ANTXR2: variants seen among roughly 807,000 people sequenced by gnomAD.
ANTXR2 encodes anthrax toxin receptor 2.
A neutral mutation model predicts 73.7 loss-of-function variants in ANTXR2; 44 were observed. The observed-to-expected ratio is 0.60, with a 90% confidence interval of 0.47 to 0.77. ANTXR2 has a LOEUF of 0.77. ANTXR2 is among the 30% of genes least tolerant of loss of function. The pLI is 0.00. For missense variants in ANTXR2, 604 were observed against 592.5 expected, an observed-to-expected ratio of 1.02 and a Z score of -0.20; for synonymous variants, 217 against 205.9, an observed-to-expected ratio of 1.05 and a Z score of -0.46.
intron 16 of ANTXR2, among the ~76,000 whole-genome samples, chr4:79,951,671 A>C (rs1353720478): frequency 6.6e-6 from 1 of 152,144 alleles, no homozygotes; most frequent in Non-Finnish European, 1.5e-5. Context: ...ATAGCTCAAA[A>C]GTTGCTAAAG....
intron 12 of ANTXR2, among the ~76,000 whole-genome samples, chr4:80,003,077 C>CCCAGTA (rs1731129121): frequency 6.6e-6 from 1 of 151,572 alleles, no homozygotes; most frequent in African/African-American, 2.4e-5. Context: ...ACCCAAAGGA[C>CCCAGTA]TATAAATCAG....
At chr4:80,059,812 T>C (rs1455649815) in intron 3 of ANTXR2, among the ~76,000 whole-genome samples, 1 of 152,072 alleles carries the variant, frequency 6.6e-6, no homozygotes, top group Non-Finnish European at 1.5e-5. Flanking sequence ...TGCCATGCAC[T>C]GTGCCATATC....
At chr4:79,952,466 T>C (rs1728743162) in intron 16 of ANTXR2, among the ~76,000 whole-genome samples, 1 of 151,832 alleles carries the variant, frequency 6.6e-6, no homozygotes, top group South Asian at 2.1e-4. Flanking sequence ...CATTTTCCTT[T>C]GTCTAATCTT....
At chr4:80,005,530 A>T (rs972726540) in intron 12 of ANTXR2, among the ~76,000 whole-genome samples, 1 of 152,070 alleles carries the variant, frequency 6.6e-6, no homozygotes, top group Non-Finnish European at 1.5e-5. Context: ...AATAAGATAA[A>T]CACCCTGCGA....
At position 80,018,927 on chromosome 4, in the gene ANTXR2, C is replaced by G. The variant is rs202143525; in HGVS notation, c.916G>C (p.Gly306Arg). 2.7e-4 allele frequency: 413 copies of G among 1,518,908 alleles called. No individual in the cohort carries two copies. In the African/African-American group the frequency reaches 5.1e-3, roughly 19 times the overall value. 94.1% of individuals were successfully genotyped at this position (1,518,908 alleles called of 1,614,324 possible). ...SFNGGKSVISGSLIVTATECS... is the reference protein window; with the variant it reads ...SFNGGKSVISRSLIVTATECS... ...TCTGTGGCTGTGACAATTAATGATC[C>G]TGAAATGACAGATTTTCCTCCATTA... Residue 306 changes from glycine to arginine, a missense_variant, in exon 11 of 17, where the codon GGA (glycine) becomes CGA (arginine). Transcript: ENST00000403729.
At chr4:80,065,392 C>T (rs1734449623) in intron 3 of ANTXR2, among the ~76,000 whole-genome samples, 1 of 152,096 alleles carries the variant, frequency 6.6e-6, no homozygotes, top group Admixed American at 6.5e-5. Context: ...TACTCACACA[C>T]ACACTAGATT....
At chr4:79,919,914 TATATATAA>T (rs1233068504) in intron 16 of ANTXR2, among the ~76,000 whole-genome samples, 429 of 17,182 alleles carry the variant, frequency 0.025, 9 homozygotes, top group Admixed American at 0.041. Context: ...TATATATATA[TATATATAA>T]AAAATGATAG....
chr4:79,983,072 A>G (rs1729958865), intron 14 of ANTXR2, among the ~76,000 whole-genome samples: 1 of 152,148 alleles, frequency 6.6e-6, no homozygotes, highest in South Asian at 2.1e-4. Flanking sequence ...CAATGGTAAA[A>G]TGCATAAAAC....
chr4:79,909,672 A>G (rs1020974242), intron 16 of ANTXR2, among the ~76,000 whole-genome samples: 1 of 151,956 alleles, frequency 6.6e-6, no homozygotes, highest in African/African-American at 2.4e-5. Flanking sequence ...AGAAAAACCT[A>G]TTAAATGCAA....
intron 7 of ANTXR2, among the ~76,000 whole-genome samples, chr4:80,041,930 C>T (rs555936975): frequency 5.0e-4 from 76 of 151,948 alleles, no homozygotes; most frequent in African/African-American, 1.6e-3. Flanking sequence ...AATAAACATA[C>T]GCATGCATGT....
intron 3 of ANTXR2, among the ~76,000 whole-genome samples, chr4:80,058,679 T>TAA (rs11375681): frequency 4.6e-4 from 69 of 148,588 alleles, no homozygotes; most frequent in Middle Eastern, 3.4e-3. Context: ...ACTGTAATGT[T>TAA]AAAAAAAAAA....
intron 7 of ANTXR2, among the ~76,000 whole-genome samples, chr4:80,046,659 G>T (rs983617442): frequency 6.6e-6 from 1 of 151,562 alleles, no homozygotes; most frequent in Non-Finnish European, 1.5e-5. Context: ...CAGAAATCCA[G>T]GATGGCAAAT....
chr4:79,962,231 A>G (rs550201250), intron 16 of ANTXR2, among the ~76,000 whole-genome samples: 6 of 152,308 alleles, frequency 3.9e-5, no homozygotes, highest in Admixed American at 1.3e-4. Flanking sequence ...AATATGTCCT[A>G]TAAGAATATA....
At position 80,008,592 on chromosome 4, in the gene ANTXR2, C is replaced by A; in HGVS notation, c.970G>T (p.Val324Phe). 1 of 1,604,658 alleles carries A rather than the reference C, an allele frequency of 6.2e-7. No individual in the cohort carries two copies. Among genetic ancestry groups the A allele is most frequent in the Non-Finnish European group, 8.5e-7 (1 of 1,176,582 alleles). The change falls in exon 12 of 17, where the codon GTT becomes TTT. Residue 324 changes from valine to phenylalanine, a missense_variant. Val to Phe is a conservative substitution (Grantham distance 50, BLOSUM62 -1). Coordinates refer to ENST00000403729, the MANE Select transcript of ANTXR2 (RefSeq NM_058172.6). ...AGGAGTAGCAGTAACACCAAAATAACAATGATGGCTGCGATCCCGTTAGAC... is the reference window on the plus strand; with the variant it reads ...AGGAGTAGCAGTAACACCAAAATAAAAATGATGGCTGCGATCCCGTTAGAC... Reference protein sequence around the residue: ...ECSNGIAAIIVILVLLLLLGI... With the variant: ...ECSNGIAAIIFILVLLLLLGI...
At chr4:80,057,607 T>G (rs1198552169) in intron 3 of ANTXR2, among the ~76,000 whole-genome samples, 5 of 151,962 alleles carry the variant, frequency 3.3e-5, no homozygotes. Flanking sequence ...TGGTTTAAAG[T>G]CTACCTATTC....
At chr4:80,025,260 T>C (rs1185342300) in intron 10 of ANTXR2, among the ~76,000 whole-genome samples, 1 of 152,196 alleles carries the variant, frequency 6.6e-6, no homozygotes, top group Non-Finnish European at 1.5e-5. Flanking sequence ...CATACTTCTA[T>C]TTAATGTCTA....
chr4:80,067,765 A>G (rs1326146997), intron 3 of ANTXR2, among the ~76,000 whole-genome samples: 1 of 152,130 alleles, frequency 6.6e-6, no homozygotes, highest in African/African-American at 2.4e-5. Context: ...AAAACCCAAC[A>G]CTGCATGTTC....
intron 16 of ANTXR2, among the ~76,000 whole-genome samples, chr4:79,912,687 T>C (rs952047189): frequency 6.6e-6 from 1 of 152,132 alleles, no homozygotes; most frequent in Admixed American, 6.6e-5. Context: ...TCTAACCTAA[T>C]AAAATAGCTA....
intron 12 of ANTXR2, among the ~76,000 whole-genome samples, chr4:80,004,211 A>C (rs1355479611): frequency 6.6e-6 from 1 of 151,940 alleles, no homozygotes; most frequent in Non-Finnish European, 1.5e-5. Flanking sequence ...AAATAAAAAA[A>C]TTATGAAAAA....
Sources: gnomAD v4.1 joint callset for allele counts (sites outside exome capture counted in the v4.1 genomes callset) on GRCh38, gnomAD v4.1.1 for gene constraint, MANE v1.5 for transcripts, NCBI Gene and HGNC (gene_info 2026-07-23, HGNC 2026-07-21) for gene names.